MAPK4: variants seen among roughly 807,000 people sequenced by gnomAD.
MAPK4 encodes the protein mitogen-activated protein kinase 4.
Under a neutral mutation model 47.7 loss-of-function variants are expected in MAPK4, and 22 were observed. The ratio of observed to expected loss-of-function variants is 0.46; its 90% CI spans 0.33 to 0.66. The LOEUF (loss-of-function observed/expected upper bound fraction) is 0.66, where lower values mean the gene tolerates loss of function less well. Among genes scored for constraint, MAPK4 ranks in the 30% least tolerant of loss-of-function variants. The pLI is 0.02. For synonymous variants in MAPK4, 390 were observed against 365.7 expected (o/e 1.07, Z -0.76); for missense variants, 736 against 831.7 (o/e 0.88, Z 1.42).
At chr18:50,728,810 T>C (rs941767823) in intron 5 of MAPK4, among the ~76,000 whole-genome samples, 1 of 152,178 alleles carries the variant, frequency 6.6e-6, no homozygotes, top group Admixed American at 6.5e-5. Flanking sequence ...TTGAGAAGCA[T>C]TGCACAGGTG....
At chr18:50,687,639 G>C (rs1908958916) in intron 2 of MAPK4, among the ~76,000 whole-genome samples, 1 of 152,214 alleles carries the variant, frequency 6.6e-6, no homozygotes, top group East Asian at 1.9e-4. Flanking sequence ...CATTCCAGCT[G>C]AATCAGCACC....
chr18:50,575,792 C>CAAA (rs540138636), intron 1 of MAPK4, among the ~76,000 whole-genome samples: 22 of 70,134 alleles, frequency 3.1e-4, no homozygotes, highest in African/African-American at 4.0e-4. Context: ...AATCAACAAG[C>CAAA]AAAAAAAAAA....
intron 1 of MAPK4, among the ~76,000 whole-genome samples, chr18:50,577,020 G>T (rs1458444181): frequency 6.6e-6 from 1 of 152,278 alleles, no homozygotes; most frequent in South Asian, 2.1e-4. Flanking sequence ...TGGAGCCTGC[G>T]CCATGCTTTC....
chr18:50,565,730 T>TA (rs1446562551), intron 1 of MAPK4, among the ~76,000 whole-genome samples: 1 of 152,224 alleles, frequency 6.6e-6, no homozygotes, highest in Non-Finnish European at 1.5e-5. Context: ...ACCACTGTGA[T>TA]ACAGTTGCCT....
intron 1 of MAPK4, among the ~76,000 whole-genome samples, chr18:50,628,393 T>C (rs1055686801): frequency 1.3e-5 from 2 of 152,166 alleles, no homozygotes; most frequent in Middle Eastern, 3.2e-3. Flanking sequence ...GGGGCCTGGG[T>C]TCCCTTGAAA....
chr18:50,577,939 A>T (rs568519387), intron 1 of MAPK4, among the ~76,000 whole-genome samples: 1 of 152,156 alleles, frequency 6.6e-6, no homozygotes. Context: ...ATTTGGAGAA[A>T]AATAACCAGA....
At chr18:50,589,265 TA>T (rs1316226393) in intron 1 of MAPK4, among the ~76,000 whole-genome samples, 2 of 152,142 alleles carry the variant, frequency 1.3e-5, no homozygotes, top group Non-Finnish European at 2.9e-5. Flanking sequence ...CATTTATGGA[TA>T]CAGAAAAAAC....
rs34523525 is a variant in MAPK4, at chr18:50,670,756, CA to C, written c.546+6271del. 9.8e-3 allele frequency among the ~76,000 whole-genome samples: 1,030 copies of C among 104,682 alleles called. 9 individuals are homozygous for C. The highest frequency in any genetic ancestry group is 0.027 in the African/African-American group (695 of 26,080). The allele number at this position is 104,682 out of a possible 152,430, so 68.7% of individuals were successfully genotyped here. ...TGGGCAACAGAGTGAGACTCCGTCT[CA>C]AAAAAAAAAAAAAAAAAATCAACTA... On this transcript the variant is annotated intron_variant, in intron 2 of 5. Transcript: ENST00000400384.
At chr18:50,691,063 G>A (rs1194452790) in intron 2 of MAPK4, among the ~76,000 whole-genome samples, 1 of 152,002 alleles carries the variant, frequency 6.6e-6, no homozygotes, top group African/African-American at 2.4e-5. Context: ...CTCAATCATG[G>A]CTCACTGCAA....
chr18:50,655,278 T>A (rs2043096651), intron 1 of MAPK4, among the ~76,000 whole-genome samples: 2 of 152,138 alleles, frequency 1.3e-5, no homozygotes, highest in Admixed American at 1.3e-4. Flanking sequence ...GTGGTTCCTC[T>A]GCTTGAGATG....
chr18:50,571,320 C>T (rs1417881984), intron 1 of MAPK4, among the ~76,000 whole-genome samples: 1 of 152,170 alleles, frequency 6.6e-6, no homozygotes, highest in African/African-American at 2.4e-5. Flanking sequence ...CATAAAAGAA[C>T]AAATCTGTAA....
intron 3 of MAPK4, among the ~76,000 whole-genome samples, chr18:50,716,674 T>C (rs1910651974): frequency 6.6e-6 from 1 of 152,100 alleles, no homozygotes; most frequent in African/African-American, 2.4e-5. Context: ...CCGGGCCTCA[T>C]ATCCGGTCCT....
At chr18:50,637,409 G>C (rs553055104) in intron 1 of MAPK4, among the ~76,000 whole-genome samples, 6 of 152,264 alleles carry the variant, frequency 3.9e-5, no homozygotes, top group Non-Finnish European at 7.4e-5. Context: ...AAGCCACTGA[G>C]CCAGGAAATG....
At chr18:50,659,745 T>C (rs1003707147) in intron 1 of MAPK4, among the ~76,000 whole-genome samples, 1 of 152,226 alleles carries the variant, frequency 6.6e-6, no homozygotes, top group African/African-American at 2.4e-5. Context: ...GGACCTTGGC[T>C]GCTCTTGTGA....
chr18:50,680,044 T>TCAGTAGAAC (rs1470914135), intron 2 of MAPK4, among the ~76,000 whole-genome samples: 1 of 150,586 alleles, frequency 6.6e-6, no homozygotes, highest in Non-Finnish European at 1.5e-5. Flanking sequence ...AGTATTCCTT[T>TCAGTAGAAC]CAGTAGAACA....
At position 50,730,136 on chromosome 18, in the gene MAPK4, C is replaced by A. The variant is rs867952486; in HGVS notation, c.*282C>A. On this transcript the variant is annotated 3_prime_UTR_variant, in exon 6 of 6. Transcript: ENST00000400384. ...TGCACAGGGAAGAAACGGCTTTAGA[C>A]AGCAGTCTGCGGGCCCCACCTGGGT... 6 of 303,294 alleles carry A rather than the reference C, an allele frequency of 2.0e-5. No homozygotes were observed. Among genetic ancestry groups the A allele is most frequent in the African/African-American group, 1.3e-4 (6 of 46,570 alleles). The allele number at this position is 303,294 out of a possible 1,614,324, so 18.8% of individuals were successfully genotyped here. A position where few individuals can be genotyped will look rare whatever the true frequency, so the allele number is the denominator to read the frequency against.
At chr18:50,591,386 G>A (rs1468167495) in intron 1 of MAPK4, among the ~76,000 whole-genome samples, 1 of 151,974 alleles carries the variant, frequency 6.6e-6, no homozygotes, top group African/African-American at 2.4e-5. Context: ...CCTGCCTCTT[G>A]TAGATGTTCC....
Position 50,715,140 on chromosome 18 carries a change from C to G in MAPK4, c.608C>G (p.Pro203Arg). 6.2e-7 allele frequency: 1 copy of G among 1,614,158 alleles called. No homozygotes were observed. The highest frequency in any genetic ancestry group is 8.5e-7 in the Non-Finnish European group (1 of 1,180,032). ...WYRSPRLLLSPNNYTKAIDMW... is the reference protein window; with the variant it reads ...WYRSPRLLLSRNNYTKAIDMW... The stretch of plus-strand genomic sequence containing the variant: ...CGTTCCCCACGACTGCTCCTTTCCC[C>G]CAATAACTACACCAAAGCCATCGAC... Residue 203 changes from proline to arginine, a missense_variant, in exon 3 of 6, where the codon CCC becomes CGC. Transcript: ENST00000400384.
At chr18:50,694,712 T>C (rs905528049) in intron 2 of MAPK4, among the ~76,000 whole-genome samples, 5 of 152,178 alleles carry the variant, frequency 3.3e-5, no homozygotes, top group Non-Finnish European at 7.3e-5. Flanking sequence ...CACTTATTCA[T>C]CCAGGAAGAT....
Sources: allele counts gnomAD v4.1 joint callset (sites outside exome capture counted in the v4.1 genomes callset), GRCh38; gene constraint gnomAD v4.1.1; transcripts MANE v1.5; gene names NCBI Gene and HGNC (gene_info 2026-07-23, HGNC 2026-07-21).